IAPP: variants seen among roughly 807,000 people sequenced by gnomAD.
IAPP encodes the protein Islet amyloid polypeptide (diabetes-associated peptide; amylin).
Under a neutral mutation model 2.9 loss-of-function variants are expected in IAPP, and 4 were observed. The ratio of observed to expected loss-of-function variants is 1.39; its 90% CI spans 0.69 to 3.19. The LOEUF is 3.19. Ranked by LOEUF, IAPP falls within the 30% of genes most tolerant of loss-of-function variation. The pLI, the probability that IAPP is intolerant of heterozygous loss-of-function variation, is 0.01. For missense variants in IAPP, 114 were observed against 105.3 expected (o/e 1.08, Z -0.36); for synonymous variants, 40 against 42.1 (o/e 0.95, Z 0.19).
chr12:21,356,157 C>T (rs949684498), intron 1 of IAPP, among the ~76,000 whole-genome samples: 3 of 152,008 alleles, frequency 2.0e-5, no homozygotes, highest in Admixed American at 2.0e-4. Context: ...ATGTTACTAC[C>T]GTCTCTGTAC....
At chr12:21,367,403 C>G (rs1939470405) in intron 1 of IAPP, among the ~76,000 whole-genome samples, 1 of 151,944 alleles carries the variant, frequency 6.6e-6, no homozygotes, top group African/African-American at 2.4e-5. Flanking sequence ...AACTACGTAG[C>G]AATCCTAGAA....
upstream of IAPP, among the ~76,000 whole-genome samples, chr12:21,370,617 A>G (rs1939713390): frequency 2.0e-5 from 3 of 151,954 alleles, no homozygotes; most frequent in Non-Finnish European, 4.4e-5. Context: ...TTAGGGTAAG[A>G]GAGGATCCAT....
intron 2 of IAPP, among the ~76,000 whole-genome samples, chr12:21,377,103 T>G (rs1017321853): frequency 6.6e-6 from 1 of 152,182 alleles, no homozygotes; most frequent in South Asian, 2.1e-4. Context: ...TTATGATTTC[T>G]GAGTTTATAA....
intron 2 of IAPP, chr12:21,373,667 T>A: frequency 1.4e-6 from 1 of 701,388 alleles, no homozygotes. Flanking sequence ...TCCAGTTTTG[T>A]CAAGAAATAT....
intron 1 of IAPP, among the ~76,000 whole-genome samples, chr12:21,361,353 G>A (rs921520250): frequency 2.0e-5 from 3 of 152,064 alleles, no homozygotes; most frequent in African/African-American, 7.2e-5. Context: ...CTAACAAACA[G>A]AAAGGACATC....
intron 1 of IAPP, among the ~76,000 whole-genome samples, chr12:21,366,563 A>G (rs567234476): frequency 6.6e-6 from 1 of 152,226 alleles, no homozygotes; most frequent in South Asian, 2.1e-4. Flanking sequence ...AAAAATAAAA[A>G]AGAAATATAA....
chr12:21,373,637 G>C (rs1275352313), intron 2 of IAPP: 3 of 700,570 alleles, frequency 4.3e-6, no homozygotes, highest in Non-Finnish European at 5.2e-6. Flanking sequence ...TGGAACTTCT[G>C]ACAGACAGGA....
In IAPP at chr12:21,363,742, A is replaced by G. The variant is rs560014488; in HGVS notation, c.-16+8729A>G. 6.9e-4 allele frequency among the ~76,000 whole-genome samples: 105 copies of G among 152,338 alleles called. 1 individual carries two copies. The highest frequency in any genetic ancestry group is 2.5e-3 in the African/African-American group (104 of 41,576). On this transcript the variant is annotated intron_variant, in intron 1 of 2. Coordinates refer to the IAPP transcript ENST00000539393. ...CACCATCGATCCTACAGAAATACAA[A>G]CTACTATCAGAGAATACTATAAACA...
chr12:21,358,760 T>C (rs1003302037), intron 1 of IAPP, among the ~76,000 whole-genome samples: 1 of 148,910 alleles, frequency 6.7e-6, no homozygotes, highest in Non-Finnish European at 1.5e-5. Flanking sequence ...GAGATACTTT[T>C]AAAATATAAA....
Position 21,357,186 on chromosome 12 carries a change from CAG to C in IAPP, c.-16+2176_-16+2177del, listed in dbSNP as rs370493113. Among the ~76,000 whole-genome samples the C allele has an allele frequency of 7.2e-4, 109 of 152,230 alleles. 2 individuals are homozygous for C. The South Asian group carries it at 0.022, about 31-fold the overall frequency. Reference sequence around the variant, plus strand: ...CTCAGAATGAAACCACATTTGTAAACAGAGTTATTTCCAAAGTAATTGTTAAG... The same window carrying C: ...CTCAGAATGAAACCACATTTGTAAACAGTTATTTCCAAAGTAATTGTTAAG... On this transcript the variant is annotated intron_variant, in intron 1 of 2. Transcript: ENST00000539393.
intron 1 of IAPP, among the ~76,000 whole-genome samples, chr12:21,361,250 C>T (rs12822994): frequency 0.32 from 49,219 of 152,020 alleles, 8,286 homozygotes; most frequent in East Asian, 0.46. Flanking sequence ...CTTCAGCCTC[C>T]GCTGGTGATA....
At chr12:21,362,814 G>A (rs1021825528) in intron 1 of IAPP, among the ~76,000 whole-genome samples, 2 of 152,138 alleles carry the variant, frequency 1.3e-5, no homozygotes, top group African/African-American at 4.8e-5. Context: ...TTACATAATG[G>A]TAACAGGATC....
chr12:21,376,778 AT>A (rs1454035233), intron 2 of IAPP, among the ~76,000 whole-genome samples: 17 of 152,092 alleles, frequency 1.1e-4, no homozygotes, highest in Admixed American at 1.0e-3. Context: ...AGATAAATCC[AT>A]TGCATTTGAG....
At chr12:21,370,662 G>A (rs1013622330), upstream of IAPP, among the ~76,000 whole-genome samples, 8 of 151,856 alleles carry the variant, frequency 5.3e-5, no homozygotes, top group Non-Finnish European at 8.8e-5. Context: ...TAACATCTTA[G>A]AGAAACAAAA....
chr12:21,371,464 T>A (rs1335956859), upstream of IAPP, among the ~76,000 whole-genome samples: 1 of 152,180 alleles, frequency 6.6e-6, no homozygotes, highest in East Asian at 1.9e-4. Flanking sequence ...AATCATTGAA[T>A]AATTAGAACA....
intron 2 of IAPP, among the ~76,000 whole-genome samples, chr12:21,376,653 A>C (rs1940216273): frequency 6.6e-6 from 1 of 150,960 alleles, no homozygotes; most frequent in Non-Finnish European, 1.5e-5. Flanking sequence ...GAAATATGGG[A>C]GTAAAATTTA....
intron 1 of IAPP, among the ~76,000 whole-genome samples, chr12:21,363,697 A>AAAAATG (rs1487653030): frequency 3.9e-5 from 6 of 152,216 alleles, no homozygotes; most frequent in Non-Finnish European, 8.8e-5. Context: ...AGAAGCAATA[A>AAAAATG]AAAATGATAA....
At chr12:21,360,120 G>T (rs1938708810) in intron 1 of IAPP, among the ~76,000 whole-genome samples, 1 of 152,080 alleles carries the variant, frequency 6.6e-6, no homozygotes, top group African/African-American at 2.4e-5. Flanking sequence ...CACAGCAGCA[G>T]TTACCTGAGG....
chr12:21,376,007 G>A (rs1361897259), intron 2 of IAPP, among the ~76,000 whole-genome samples: 1 of 151,986 alleles, frequency 6.6e-6, no homozygotes. Flanking sequence ...TATATATACT[G>A]AATAGTATAT....
Sources: allele counts gnomAD v4.1 joint callset (sites outside exome capture counted in the v4.1 genomes callset), GRCh38; gene constraint gnomAD v4.1.1; transcripts MANE v1.5; gene names NCBI Gene and HGNC (gene_info 2026-07-23, HGNC 2026-07-21).